The following DEFB1 variants were observed in gnomAD, a reference collection of about 807,000 sequenced individuals.
DEFB1 encodes beta-defensin 1.
Under a neutral mutation model 2.6 loss-of-function variants are expected in DEFB1, and 4 were observed. That is an observed-to-expected ratio of 1.53 (90% CI 0.76 to 3.51). The LOEUF (loss-of-function observed/expected upper bound fraction) is 3.51, where lower values mean the gene tolerates loss of function less well. Among genes scored for constraint, DEFB1 ranks in the 30% most tolerant of loss-of-function variants. The probability of loss-of-function intolerance (pLI) is 0.01; values close to 1 mark genes in which losing one functional copy is unlikely to be tolerated. For synonymous variants in DEFB1, 56 were observed against 28.5 expected, an observed-to-expected ratio of 1.96 and a Z score of -3.07; for missense variants, 162 against 76.9, an observed-to-expected ratio of 2.11 and a Z score of -4.14.
intron 1 of DEFB1, among the ~76,000 whole-genome samples, chr8:6,877,469 C>A (rs2117221128): frequency 6.6e-6 from 1 of 152,348 alleles, no homozygotes; most frequent in South Asian, 2.1e-4. Context: ...GGAAGCTGGC[C>A]TCTCAGTGTG....
chr8:6,876,357 T>C (rs1806529768), intron 1 of DEFB1, among the ~76,000 whole-genome samples: 1 of 152,038 alleles, frequency 6.6e-6, no homozygotes, highest in Non-Finnish European at 1.5e-5. Flanking sequence ...GCACCTGTAA[T>C]CCCAGCTAAC....
chr8:6,871,584 C>T (rs990067384), intron 1 of DEFB1, among the ~76,000 whole-genome samples: 1 of 152,126 alleles, frequency 6.6e-6, no homozygotes, highest in African/African-American at 2.4e-5. Flanking sequence ...GTGTCGAAGC[C>T]CTAACAGTGC....
chr8:6,870,758 A>G lies in DEFB1; in HGVS notation c.130T>C (p.Cys44Arg), dbSNP rs199581284. The G allele has an allele frequency of 5.5e-5, 89 of 1,614,132 alleles. No individual in the cohort carries two copies. The highest frequency in any genetic ancestry group is 6.7e-5 in the East Asian group (3 of 44,904). The change falls in exon 2 of 2, where the codon TGT becomes CGT. Residue 44 changes from cysteine (C) to arginine (R), a missense_variant. Transcript: ENST00000297439. Reference sequence around the variant, plus strand: ...AAGATCGGGCAGGCAGAATAGAGACATTGCCCTCCACTGCTGACGCAATTG... The same window carrying G: ...AAGATCGGGCAGGCAGAATAGAGACGTTGCCCTCCACTGCTGACGCAATTG... ...HYNCVSSGGQ[C>R]LYSACPIFTK... is the part of the protein sequence containing the mutation.
Position 6,875,471 on chromosome 8 carries a change from A to G in DEFB1, c.61+2326T>C, listed in dbSNP as rs5743452. ...AAACATGGACAAAAGACAAACAGGT[A>G]TTTTACAAAAAATAACCCAGTTGCC... On this transcript the variant is annotated intron_variant, in intron 1 of 1. Coordinates refer to ENST00000297439, the MANE Select transcript of DEFB1 (RefSeq NM_005218.4). Among the ~76,000 whole-genome samples the G allele has an allele frequency of 9.0e-3, 1,370 of 152,324 alleles. 28 individuals carry two copies. The highest frequency in any genetic ancestry group is 0.031 in the African/African-American group (1,308 of 41,564).
chr8:6,871,008 T>C (rs527851873), intron 1 of DEFB1, among the ~76,000 whole-genome samples, 182 bp from the exon 2 acceptor site: 8 of 152,378 alleles, frequency 5.3e-5, no homozygotes, highest in African/African-American at 1.9e-4. Flanking sequence ...GCTTACTCAG[T>C]CTGGGGCTAT....
chr8:6,871,067 G>C (rs1333307430), intron 1 of DEFB1, among the ~76,000 whole-genome samples: 1 of 152,232 alleles, frequency 6.6e-6, no homozygotes, highest in Non-Finnish European at 1.5e-5. Context: ...GGGGTTCTGA[G>C]TGGGGTTTTC....
chr8:6,871,408 C>T (rs1806305150), intron 1 of DEFB1, among the ~76,000 whole-genome samples: 2 of 151,948 alleles, frequency 1.3e-5, no homozygotes, highest in South Asian at 2.1e-4. Flanking sequence ...TCCCAGTATC[C>T]CAGATCTGAT....
At chr8:6,874,441 A>T (rs905869150) in intron 1 of DEFB1, among the ~76,000 whole-genome samples, 15 of 152,236 alleles carry the variant, frequency 9.9e-5, no homozygotes, top group Non-Finnish European at 1.5e-4. Context: ...TCTAAATTTT[A>T]TTTGGAAATT....
At chr8:6,874,491 G>A (rs762272360) in intron 1 of DEFB1, among the ~76,000 whole-genome samples, 2 of 152,224 alleles carry the variant, frequency 1.3e-5, no homozygotes, top group Non-Finnish European at 2.9e-5. Context: ...TGGAAAAAAG[G>A]TGAGAGGTCT....
intron 1 of DEFB1, among the ~76,000 whole-genome samples, chr8:6,875,948 G>T (rs949690765): frequency 1.3e-5 from 2 of 152,206 alleles, no homozygotes; most frequent in East Asian, 1.9e-4. Context: ...GACTGGGAAG[G>T]CTCGAGAATA....
rs780762708 is a variant in DEFB1, at chr8:6,870,812, T to A, written c.76A>T (p.Thr26Ser). Residue 26 changes from threonine (T) to serine (S), a missense_variant, in exon 2 of 2, where the codon ACA (threonine) becomes TCA (serine). Transcript: ENST00000297439. ...SEMASGGNFLTGLGHRSDHYN... is the reference protein window; with the variant it reads ...SEMASGGNFLSGLGHRSDHYN... Reference sequence around the variant, plus strand: ...TGATCAGATCTGTGGCCAAGGCCTGTGAGAAAGTTACCACCTGTAAGGAGG... The same window carrying A: ...TGATCAGATCTGTGGCCAAGGCCTGAGAGAAAGTTACCACCTGTAAGGAGG... The A allele has an allele frequency of 3.7e-6, 6 of 1,613,060 alleles. No homozygotes were observed. The highest frequency in any genetic ancestry group is 3.3e-5 in the South Asian group (3 of 90,784).
chr8:6,873,521 G>A (rs1271070493), intron 1 of DEFB1, among the ~76,000 whole-genome samples: 1 of 152,204 alleles, frequency 6.6e-6, no homozygotes, highest in Non-Finnish European at 1.5e-5. Context: ...AGACTACGCA[G>A]CCATAAAAAA....
At chr8:6,872,011 A>G (rs1806339519) in intron 1 of DEFB1, among the ~76,000 whole-genome samples, 1 of 152,194 alleles carries the variant, frequency 6.6e-6, no homozygotes, top group East Asian at 1.9e-4. Flanking sequence ...ACACCGATGG[A>G]AATTGTCTCA....
At chr8:6,874,650 T>A (rs1382258357) in intron 1 of DEFB1, among the ~76,000 whole-genome samples, 1 of 152,144 alleles carries the variant, frequency 6.6e-6, no homozygotes, top group Non-Finnish European at 1.5e-5. Context: ...AGAATAGTAG[T>A]GGCTCAGCAG....
Position 6,870,710 on chromosome 8 carries a change from A to G in DEFB1, c.178T>C (p.Tyr60His). ...PIFTKIQGTC[Y>H]RGKAKCCK ...TTGCAGCACTTGGCCTTCCCTCTGT[A>G]ACAGGTGCCTTGAATTTTGGTAAAG... is the stretch of plus-strand genomic sequence containing the variant. Residue 60 changes from tyrosine to histidine, a missense_variant, in exon 2 of 2, where the codon TAC becomes CAC. Transcript: ENST00000297439. The G allele has an allele frequency of 6.2e-7, 1 of 1,614,200 alleles. No individual in the cohort carries two copies. Among genetic ancestry groups the G allele is most frequent in the Non-Finnish European group, 8.5e-7 (1 of 1,180,042 alleles).
intron 1 of DEFB1, 45 bp downstream of exon 1, chr8:6,877,752 C>A (rs1806585783): frequency 1.3e-6 from 2 of 1,547,910 alleles, no homozygotes; most frequent in South Asian, 1.1e-5. Context: ...GCCCCATTGT[C>A]CCCAGCCCTG....
intron 1 of DEFB1, among the ~76,000 whole-genome samples, chr8:6,874,453 A>C (rs541879232): frequency 4.0e-4 from 61 of 152,260 alleles, no homozygotes; most frequent in Non-Finnish European, 7.8e-4. Flanking sequence ...TTGGAAATTC[A>C]AAGGGCCGAG....
rs369857830 is a variant in DEFB1 at position 6,877,796 on chromosome 8, C to G, written c.61+1G>C. On this transcript the variant is annotated splice_donor_variant, in intron 1 of 1. Coordinates refer to ENST00000297439, the MANE Select transcript of DEFB1 (RefSeq NM_005218.4). LOFTEE classifies it high-confidence loss of function. ...AAACTCTTGCAGGTACCAGAGCTTA[C>G]CTGAGGCCATCTCAGACAAAAGTAA... 1.2e-6 allele frequency: 2 copies of G among 1,613,674 alleles called. No individual in the cohort carries two copies. Among genetic ancestry groups the G allele is most frequent in the Non-Finnish European group, 1.7e-6 (2 of 1,179,784 alleles).
chr8:6,872,226 A>G (rs1457903133), intron 1 of DEFB1, among the ~76,000 whole-genome samples: 1 of 152,008 alleles, frequency 6.6e-6, no homozygotes, highest in African/African-American at 2.4e-5. Flanking sequence ...TGTTCCGCCA[A>G]CCAAGGTAAA....
Sources: gnomAD v4.1 joint callset for allele counts (sites outside exome capture counted in the v4.1 genomes callset) on GRCh38, gnomAD v4.1.1 for gene constraint, MANE v1.5 for transcripts, NCBI Gene and HGNC (gene_info 2026-07-23, HGNC 2026-07-21) for gene names.